ZNF248: variants seen among roughly 807,000 people sequenced by gnomAD.
ZNF248 encodes KRAB protein domain.
In ZNF248, 20 loss-of-function variants were observed where a neutral mutation model predicts 44.3. The ratio of observed to expected loss-of-function variants is 0.45; its 90% confidence interval spans 0.32 to 0.66. The LOEUF is 0.66. Ranked by LOEUF, ZNF248 falls within the 30% of genes least tolerant of loss-of-function variation. The pLI is 0.04. For missense variants in ZNF248, 654 were observed against 677.0 expected (o/e 0.97, Z 0.38); for synonymous variants, 224 against 229.0 (o/e 0.98, Z 0.20).
At chr10:37,772,877 A>G (rs1157571535), downstream of ZNF248, among the ~76,000 whole-genome samples, 1 of 152,258 alleles carries the variant, frequency 6.6e-6, no homozygotes, top group East Asian at 1.9e-4. Flanking sequence ...TACATGAATC[A>G]AACCAAATCT....
In ZNF248 at chr10:37,832,052, G is replaced by A; in HGVS notation, c.1303C>T (p.Pro435Ser). ...TTTCCACATTGCTTACATTCATAGGGTTTTTCTCCTGTATGTGTTCGCTGA... is the reference window on the plus strand; with the variant it reads ...TTTCCACATTGCTTACATTCATAGGATTTTTCTCCTGTATGTGTTCGCTGA... ...NHQRTHTGEK[P>S]YECKQCGKTF... Residue 435 changes from proline (P) to serine (S), a missense_variant, in exon 6 of 6, where the codon CCC becomes TCC. By Grantham distance (74) the Pro-to-Ser change is moderately conservative. Coordinates refer to ENST00000395867, the MANE Select transcript of ZNF248 (RefSeq NM_021045.3). 6.2e-7 allele frequency: 1 copy of A among 1,613,740 alleles called. No homozygotes were observed. Among genetic ancestry groups the A allele is most frequent in the Non-Finnish European group, 8.5e-7 (1 of 1,179,900 alleles).
At chr10:37,804,143 C>T (rs1213702022) in intron 6 of ZNF248, among the ~76,000 whole-genome samples, 1 of 127,440 alleles carries the variant, frequency 7.8e-6, no homozygotes, top group Non-Finnish European at 1.6e-5. Context: ...CTCTCTCTGT[C>T]ACCCAGGCTG....
At chr10:37,834,974 C>A (rs572170553) in intron 5 of ZNF248, among the ~76,000 whole-genome samples, 65 of 152,182 alleles carry the variant, frequency 4.3e-4, no homozygotes, top group African/African-American at 1.5e-3. Context: ...TACTGAGCAG[C>A]TCCCTTGCTG....
At chr10:37,805,855 G>A (rs960722296) in intron 6 of ZNF248, among the ~76,000 whole-genome samples, 2 of 152,080 alleles carry the variant, frequency 1.3e-5, no homozygotes, top group African/African-American at 4.8e-5. Flanking sequence ...ACACACATAT[G>A]CATATGTGTG....
At chr10:37,819,217 C>A in intron 6 of ZNF248, 2 of 818,466 alleles carry the variant, frequency 2.4e-6, no homozygotes, top group Non-Finnish European at 4.3e-6. Context: ...TGATAATGGA[C>A]CAGGCCTCTT....
chr10:37,844,987 TTCCTTCTCCTTCCC>T (rs1312297795), intron 3 of ZNF248, among the ~76,000 whole-genome samples: 3 of 133,952 alleles, frequency 2.2e-5, no homozygotes, highest in African/African-American at 8.2e-5. Context: ...TCCTTTCCCC[TTCCTTCTCCTTCCC>T]TCCTTCTCTC....
intron 6 of ZNF248, among the ~76,000 whole-genome samples, chr10:37,811,388 A>G (rs1312270214): frequency 6.6e-6 from 1 of 152,198 alleles, no homozygotes; most frequent in Non-Finnish European, 1.5e-5. Flanking sequence ...ACTCTAATGC[A>G]ATCTGAGAAA....
chr10:37,776,467 T>G (rs2046594189), downstream of ZNF248: 1 of 397,654 alleles, frequency 2.5e-6, no homozygotes. Context: ...GAAGTTGGGC[T>G]GACAACGTTC....
chr10:37,833,829 C>A (rs1475692738), intron 5 of ZNF248, among the ~76,000 whole-genome samples: 2 of 151,968 alleles, frequency 1.3e-5, no homozygotes, highest in Admixed American at 6.6e-5. Flanking sequence ...ATTCTGAGAG[C>A]TGTTCTTTCA....
intron 5 of ZNF248, among the ~76,000 whole-genome samples, chr10:37,833,606 A>G (rs981490692): frequency 1.3e-5 from 2 of 152,202 alleles, no homozygotes; most frequent in African/African-American, 4.8e-5. Flanking sequence ...TTCCCACCAG[A>G]GTACATGCTT....
At chr10:37,815,293 ACCTCAGGTGATCTGCCTG>A (rs1409249748) in intron 6 of ZNF248, among the ~76,000 whole-genome samples, 1 of 151,788 alleles carries the variant, frequency 6.6e-6, no homozygotes, top group Admixed American at 6.6e-5. Context: ...TCAACTCCTA[ACCTCAGGTGATCTGCCTG>A]CCTCAGCCTC....
chr10:37,857,628 T>C (rs1148296), upstream of ZNF248: 9,146 of 152,260 alleles, frequency 0.06, 354 homozygotes, highest in Middle Eastern at 0.094. Context: ...CCCCGCGGGC[T>C]CAGGGCACAA....
At chr10:37,781,608 C>T (rs974900453) in intron 6 of ZNF248, among the ~76,000 whole-genome samples, 2 of 152,194 alleles carry the variant, frequency 1.3e-5, no homozygotes, top group African/African-American at 4.8e-5. Context: ...TCCTCGGGGA[C>T]TTCAGTGTAC....
the ZNF248 span, among the ~76,000 whole-genome samples, chr10:37,763,048 G>C: frequency 6.6e-6 from 1 of 152,182 alleles, no homozygotes; most frequent in Non-Finnish European, 1.5e-5. Context: ...GGAAACGGTA[G>C]AGGAAAATGC....
At chr10:37,834,698 C>CA (rs1294888156) in intron 5 of ZNF248, among the ~76,000 whole-genome samples, 5 of 152,038 alleles carry the variant, frequency 3.3e-5, no homozygotes, top group African/African-American at 1.2e-4. Flanking sequence ...TAAGTTTCAG[C>CA]AAAAAATCAA....
At chr10:37,846,172 T>C (rs549947878) in intron 3 of ZNF248, among the ~76,000 whole-genome samples, 1 of 152,350 alleles carries the variant, frequency 6.6e-6, no homozygotes, top group South Asian at 2.1e-4. Context: ...TCCATTTCTC[T>C]TGCTGCAAAT....
At chr10:37,842,768 A>C (rs1164602771) in intron 3 of ZNF248, among the ~76,000 whole-genome samples, 1 of 152,210 alleles carries the variant, frequency 6.6e-6, no homozygotes, top group East Asian at 1.9e-4. Context: ...ATACCACTTA[A>C]GGCCTGAGAA....
At chr10:37,834,072 G>A (rs1257516691) in intron 5 of ZNF248, among the ~76,000 whole-genome samples, 2 of 152,016 alleles carry the variant, frequency 1.3e-5, no homozygotes, top group African/African-American at 2.4e-5. Context: ...CACTCAACTA[G>A]AAACATTTTA....
intron 3 of ZNF248, among the ~76,000 whole-genome samples, chr10:37,853,861 A>G (rs2060778335): frequency 6.6e-6 from 1 of 152,208 alleles, no homozygotes; most frequent in African/African-American, 2.4e-5. Context: ...TTTGGGGTAA[A>G]GGCAAATAAC....
Sources: gnomAD v4.1 joint callset for allele counts (sites outside exome capture counted in the v4.1 genomes callset) on GRCh38, gnomAD v4.1.1 for gene constraint, MANE v1.5 for transcripts, NCBI Gene and HGNC (gene_info 2026-07-23, HGNC 2026-07-21) for gene names.